The following GABRA5 variants were observed in gnomAD, a reference collection of about 807,000 sequenced individuals.
GABRA5 encodes the protein gamma-aminobutyric acid receptor subunit alpha-5.
A neutral mutation model predicts 47.3 loss-of-function variants in GABRA5; 18 were observed. That is an observed-to-expected ratio of 0.38 (90% confidence interval 0.26 to 0.56). The LOEUF is 0.56. Among genes scored for constraint, GABRA5 ranks in the 20% least tolerant of loss-of-function variants. GABRA5 has a pLI of 0.71. For synonymous variants in GABRA5, 237 were observed against 229.3 expected (o/e 1.03, Z -0.30); for missense variants, 365 against 599.3 (o/e 0.61, Z 4.08).
intron 8 of GABRA5, 32 bp from the exon 9 acceptor site, chr15:26,939,893 G>A (rs1347425386): frequency 1.2e-6 from 2 of 1,611,564 alleles, no homozygotes; most frequent in South Asian, 1.1e-5. Context: ...AGACTCTAGG[G>A]GACTGATGTG....
intron 8 of GABRA5, chr15:26,939,486 A>C (rs1390681866): frequency 1.4e-6 from 1 of 731,674 alleles, no homozygotes. Context: ...TGCTGGTGGG[A>C]GTGGTCGTCT....
At position 26,883,212 on chromosome 15, in the gene GABRA5, C is replaced by T. The variant is rs1302436635; in HGVS notation, c.255C>T (p.Gly85=). 6.2e-7 allele frequency: 1 copy of T among 1,613,904 alleles called. No homozygotes were observed. The highest frequency in any genetic ancestry group is 8.5e-7 in the Non-Finnish European group (1 of 1,179,828). ...VRTDIYVTSF[G]PVSDTEMEYT... Reference sequence around the variant, plus strand: ...CCGACATCTACGTCACCAGCTTCGGCCCGGTGTCCGACACGGAAATGGTAG... The same window carrying T: ...CCGACATCTACGTCACCAGCTTCGGTCCGGTGTCCGACACGGAAATGGTAG... The change falls in exon 5 of 11, where the codon GGC becomes GGT. Residue 85 remains glycine (G), a synonymous_variant. Coordinates refer to ENST00000335625, the MANE Select transcript of GABRA5 (RefSeq NM_000810.4). This position sits in a 1 kb window ranked among gnomAD's most constrained non-coding sequence, Gnocchi z 4.8.
intron 6 of GABRA5, among the ~76,000 whole-genome samples, chr15:26,903,050 G>T (rs1429215852): frequency 6.6e-6 from 1 of 151,856 alleles, no homozygotes; most frequent in Non-Finnish European, 1.5e-5. Context: ...AGATTATTTT[G>T]TCACCCTGGT....
At chr15:26,900,220 T>G (rs1296555095) in intron 6 of GABRA5, among the ~76,000 whole-genome samples, 1 of 152,154 alleles carries the variant, frequency 6.6e-6, no homozygotes, top group Admixed American at 6.6e-5. Flanking sequence ...ACACATAGTT[T>G]GTGTAACATA....
intron 6 of GABRA5, among the ~76,000 whole-genome samples, chr15:26,910,145 G>A (rs954844897): frequency 6.6e-6 from 1 of 151,726 alleles, no homozygotes; most frequent in African/African-American, 2.4e-5. Context: ...CACACAATTA[G>A]TTAATAGCAA....
chr15:26,913,407 G>A (rs1893646508), intron 6 of GABRA5, among the ~76,000 whole-genome samples: 1 of 152,052 alleles, frequency 6.6e-6, no homozygotes, highest in South Asian at 2.1e-4. Flanking sequence ...TGACTCCTCA[G>A]TCTGCAATTA....
chr15:26,902,157 A>G (rs1447618416), intron 6 of GABRA5, among the ~76,000 whole-genome samples: 2 of 152,060 alleles, frequency 1.3e-5, no homozygotes, highest in African/African-American at 4.8e-5. Flanking sequence ...CAATATTAGA[A>G]TCAGTTTGTT....
chr15:26,939,206 C>A, intron 8 of GABRA5: 1 of 764,052 alleles, frequency 1.3e-6, no homozygotes, highest in South Asian at 1.3e-5. Context: ...CTCACACTCC[C>A]TGACCACAGC....
chr15:26,869,684 C>G (rs1892415479), intron 3 of GABRA5, among the ~76,000 whole-genome samples: 1 of 152,224 alleles, frequency 6.6e-6, no homozygotes, highest in South Asian at 2.1e-4. Context: ...GCTTGTTAGA[C>G]AAGGCAGTGC....
chr15:26,917,134 G>A (rs1566879241), intron 7 of GABRA5, among the ~76,000 whole-genome samples: 1 of 152,082 alleles, frequency 6.6e-6, no homozygotes, highest in South Asian at 2.1e-4. Context: ...TGGTGGGTGG[G>A]TATCTTTGCT....
At chr15:26,892,907 G>T (rs1893044660) in intron 6 of GABRA5, among the ~76,000 whole-genome samples, 1 of 150,734 alleles carries the variant, frequency 6.6e-6, no homozygotes, top group South Asian at 2.1e-4. Context: ...GTGTGTATGA[G>T]GTTGTGTGTG....
intron 7 of GABRA5, among the ~76,000 whole-genome samples, chr15:26,931,212 T>A (rs1010778827): frequency 6.6e-6 from 1 of 152,184 alleles, no homozygotes; most frequent in Non-Finnish European, 1.5e-5. Context: ...AATTTCTATC[T>A]GGGTTCATTC....
chr15:26,926,319 A>C (rs1267368249), intron 7 of GABRA5, among the ~76,000 whole-genome samples: 1 of 152,126 alleles, frequency 6.6e-6, no homozygotes, highest in Admixed American at 6.6e-5. Context: ...AAATGTTTTG[A>C]TTTCAAGAAT....
At chr15:26,901,925 GT>G (rs1393416487) in intron 6 of GABRA5, among the ~76,000 whole-genome samples, 2 of 152,006 alleles carry the variant, frequency 1.3e-5, no homozygotes, top group African/African-American at 4.8e-5. Context: ...TCAGTCTGTG[GT>G]CTTTTGCTCC....
At chr15:26,894,706 G>C (rs570994285) in intron 6 of GABRA5, among the ~76,000 whole-genome samples, 1 of 152,102 alleles carries the variant, frequency 6.6e-6, no homozygotes, top group Admixed American at 6.6e-5. Context: ...GCGCCTGGCG[G>C]TGTGCTGTGC....
chr15:26,931,517 T>A (rs951954110), intron 7 of GABRA5, among the ~76,000 whole-genome samples: 2 of 152,186 alleles, frequency 1.3e-5, no homozygotes, highest in African/African-American at 4.8e-5. Context: ...CATAAGAATT[T>A]TGTGAAAGAC....
intron 7 of GABRA5, among the ~76,000 whole-genome samples, chr15:26,929,545 C>T (rs1442005274): frequency 6.6e-6 from 1 of 152,170 alleles, no homozygotes; most frequent in African/African-American, 2.4e-5. Flanking sequence ...TATGCCTGTG[C>T]CCCACAGCTC....
At chr15:26,880,134 T>G (rs755586823) in intron 3 of GABRA5, among the ~76,000 whole-genome samples, 7 of 152,208 alleles carry the variant, frequency 4.6e-5, no homozygotes, top group Non-Finnish European at 4.4e-5. Flanking sequence ...TTACATAAGC[T>G]TTTGGAATCT....
intron 7 of GABRA5, among the ~76,000 whole-genome samples, chr15:26,928,216 C>A (rs1209934509): frequency 6.6e-6 from 1 of 152,142 alleles, no homozygotes; most frequent in African/African-American, 2.4e-5. Flanking sequence ...GTGAATTTCA[C>A]CGGAGTGAGC....
Sources: gnomAD v4.1 joint callset for allele counts (sites outside exome capture counted in the v4.1 genomes callset) on GRCh38, gnomAD v4.1.1 for gene constraint, Gnocchi (gnomAD v3.1) non-coding constraint, MANE v1.5 for transcripts, NCBI Gene and HGNC (gene_info 2026-07-23, HGNC 2026-07-21) for gene names.